The following CYFIP1 variants were observed in gnomAD, a reference collection of about 807,000 sequenced individuals.
The protein encoded by CYFIP1 is cytoplasmic FMR1-interacting protein 1.
In CYFIP1, 58 loss-of-function variants were observed where a neutral mutation model predicts 163.5. The observed-to-expected ratio is 0.35, with a 90% CI of 0.29 to 0.44. The LOEUF (loss-of-function observed/expected upper bound fraction) is 0.44. Among genes scored for constraint, CYFIP1 ranks in the 20% least tolerant of loss-of-function variants. The pLI, the probability that CYFIP1 is intolerant of heterozygous loss-of-function variation, is 1.00. For synonymous variants in CYFIP1, 663 were observed against 660.7 expected (o/e 1.00, Z -0.05); for missense variants, 1,338 against 1,653.8 (o/e 0.81, Z 3.31).
intron 10 of CYFIP1, among the ~76,000 whole-genome samples, chr15:22,933,283 C>T (rs190754317): frequency 1.6e-4 from 25 of 152,052 alleles, no homozygotes; most frequent in African/African-American, 5.3e-4. Flanking sequence ...ACGTGGCTGT[C>T]GTAAGGAAAT....
intron 1 of CYFIP1, among the ~76,000 whole-genome samples, chr15:22,951,110 G>A (rs2062235124): frequency 6.6e-6 from 1 of 152,086 alleles, no homozygotes. Flanking sequence ...CAGATACATG[G>A]AAACAATTGC....
At chr15:22,944,978 G>C in intron 3 of CYFIP1, 39 bp from the exon 4 acceptor site, 2 of 1,569,362 alleles carry the variant, frequency 1.3e-6, no homozygotes, top group South Asian at 1.1e-5. Context: ...GCAGGCGGGG[G>C]AACTAGCATG....
chr15:22,921,089 C>A (rs1317091254), intron 13 of CYFIP1, among the ~76,000 whole-genome samples: 1 of 152,050 alleles, frequency 6.6e-6, no homozygotes, highest in Non-Finnish European at 1.5e-5. Flanking sequence ...ACTAAAAGCA[C>A]CCGGGCGCAG....
intron 11 of CYFIP1, among the ~76,000 whole-genome samples, chr15:22,928,308 G>A (rs893446419): frequency 7.2e-5 from 11 of 152,140 alleles, no homozygotes; most frequent in South Asian, 2.1e-4. Context: ...GCGTGAGCCC[G>A]GGAGGCGGAG....
At chr15:22,944,337 C>A (rs76194208) in intron 5 of CYFIP1, among the ~76,000 whole-genome samples, 35,382 of 151,134 alleles carry the variant, frequency 0.23, 4,676 homozygotes, top group Middle Eastern at 0.33. Flanking sequence ...AACATAAAAT[C>A]ACTCTCAGAG....
intron 1 of CYFIP1, among the ~76,000 whole-genome samples, chr15:22,979,989 G>A (rs1004547701): frequency 3.3e-5 from 5 of 152,104 alleles, no homozygotes; most frequent in Non-Finnish European, 7.4e-5. Context: ...GGTGAACGCG[G>A]GGGCGGGGAG....
At chr15:22,912,518 A>T in intron 17 of CYFIP1, 2 of 428,424 alleles carry the variant, frequency 4.7e-6, no homozygotes, top group East Asian at 7.3e-5. Flanking sequence ...CCACACACGG[A>T]CAAGGGCCTC....
rs2059501118 is a variant in CYFIP1 at position 22,873,723 on chromosome 15, C to A, written c.3217G>T (p.Ala1073Ser). The A allele has an allele frequency of 6.2e-7, 1 of 1,611,168 alleles. No homozygotes were observed. Among genetic ancestry groups the A allele is most frequent in the Non-Finnish European group, 8.5e-7 (1 of 1,177,844 alleles). ...AGCAGGTCCCCCTCTCTTGCGATGG[C>A]AATTTGCTGCAGAAAGGACAAGCCG... ...IERLGTPQQI[A>S]IAREGDLLTK... Residue 1073 changes from alanine (A) to serine (S), a missense_variant, in exon 29 of 31, where the codon GCC becomes TCC. This residue lies in a region of CYFIP1 where 306 missense variants were observed against 322.1 expected (regional missense o/e 0.95). Coordinates refer to ENST00000617928, the MANE Select transcript of CYFIP1 (RefSeq NM_014608.6).
At chr15:22,895,464 A>G (rs2060210929) in intron 22 of CYFIP1, among the ~76,000 whole-genome samples, 1 of 152,054 alleles carries the variant, frequency 6.6e-6, no homozygotes, top group South Asian at 2.1e-4. Context: ...ATATTTCTAA[A>G]TAATACATTT....
intron 1 of CYFIP1, among the ~76,000 whole-genome samples, chr15:22,952,081 T>C (rs1021248946): frequency 2.6e-5 from 4 of 152,106 alleles, no homozygotes; most frequent in Non-Finnish European, 4.4e-5. Context: ...TCTGACAAGT[T>C]ACAACATGGT....
chr15:22,924,797 C>T (rs780729103), intron 13 of CYFIP1, among the ~76,000 whole-genome samples: 81 of 152,188 alleles, frequency 5.3e-4, no homozygotes, highest in Admixed American at 2.8e-3. Context: ...TTTGGCTGGG[C>T]GCAGTGGCTC....
intron 13 of CYFIP1, among the ~76,000 whole-genome samples, chr15:22,922,836 G>C (rs1209329054): frequency 6.6e-6 from 1 of 151,894 alleles, no homozygotes; most frequent in Non-Finnish European, 1.5e-5. Context: ...TACTAAAAAT[G>C]CAAAAATTAG....
At chr15:22,925,943 G>C in intron 13 of CYFIP1, 39 bp downstream of exon 13, 1 of 1,603,956 alleles carries the variant, frequency 6.2e-7, no homozygotes, top group Non-Finnish European at 8.5e-7. Context: ...TGTGAAGCTA[G>C]AGCGACATGA....
intron 25 of CYFIP1, 33 bp from the exon 26 acceptor site, chr15:22,880,076 A>C: frequency 6.2e-7 from 1 of 1,611,650 alleles, no homozygotes; most frequent in Non-Finnish European, 8.5e-7. Flanking sequence ...GGGTTGGGGG[A>C]CTGGAGGGGG....
At chr15:22,946,708 C>A (rs1467208357) in intron 3 of CYFIP1, 2 of 571,278 alleles carry the variant, frequency 3.5e-6, no homozygotes, top group South Asian at 1.6e-5. Flanking sequence ...TGGGCACATA[C>A]CTGGTGTGTG....
At chr15:22,902,664 C>T (rs2060433862) in intron 22 of CYFIP1, among the ~76,000 whole-genome samples, 1 of 152,222 alleles carries the variant, frequency 6.6e-6, no homozygotes, top group South Asian at 2.1e-4. Flanking sequence ...GGACCACTCC[C>T]AGCCCGGCCT....
In CYFIP1 at chr15:22,939,228, C is replaced by T. The variant is rs1216022240; in HGVS notation, c.759G>A (p.Met253Ile). The part of the protein sequence containing the change: ...NLCVDYYENR[M>I]YLTPSEKHML... ...TGTGTTTCTCACTGGGCGTCAAATA[C>T]ATCCTGTTCTCGTAGTAATCCACAC... is the stretch of plus-strand genomic sequence containing the variant. The change falls in exon 8 of 31, where the codon ATG becomes ATA. Residue 253 changes from methionine (M) to isoleucine (I), a missense_variant. Transcript: ENST00000617928. 5 of 1,614,116 alleles carry T rather than the reference C, an allele frequency of 3.1e-6. No individual in the cohort carries two copies. In the African/African-American group the frequency reaches 6.7e-5, roughly 22 times the overall value.
At chr15:22,892,418 G>T (rs77853339) in intron 23 of CYFIP1, among the ~76,000 whole-genome samples, 1 of 152,036 alleles carries the variant, frequency 6.6e-6, no homozygotes, top group African/African-American at 2.4e-5. Context: ...AGGCACAGGC[G>T]GACATCCTTG....
rs2059229878 is a variant in CYFIP1, at chr15:22,867,863, A to AGTT, written c.*2164_*2165insAAC. ...TCTAGAAAATGTTTGTTTATGAAGA[A>AGTT]GTCGATGGAAAACTGCAAACATATG... On this transcript the variant is annotated 3_prime_UTR_variant, in exon 31 of 31. Transcript: ENST00000617928. The AGTT allele has an allele frequency of 6.6e-6, 1 of 152,228 alleles. No individual in the cohort carries two copies. The highest frequency in any genetic ancestry group is 2.4e-5 in the African/African-American group (1 of 41,458). 9.4% of individuals were successfully genotyped at this position (152,228 alleles called of 1,614,324 possible).
Sources: allele counts gnomAD v4.1 joint callset (sites outside exome capture counted in the v4.1 genomes callset), GRCh38; gene constraint gnomAD v4.1.1; regional missense constraint gnomAD v4.1.1; transcripts MANE v1.5; gene names NCBI Gene and HGNC (gene_info 2026-07-23, HGNC 2026-07-21).